FIG4: variants seen among roughly 807,000 people sequenced by gnomAD.
The protein encoded by FIG4 is FIG4 phosphoinositide 5-phosphatase, also known as polyphosphoinositide phosphatase.
In FIG4, 112 loss-of-function variants were observed where a neutral mutation model predicts 118.6. The observed-to-expected ratio is 0.94, with a 90% CI of 0.81 to 1.11. FIG4 has a LOEUF of 1.11. Ranked by LOEUF, FIG4 falls within the 50% of genes least tolerant of loss-of-function variation. The probability of loss-of-function intolerance (pLI) is 0.00; values close to 1 mark genes in which losing one functional copy is unlikely to be tolerated. For synonymous variants in FIG4, 369 were observed against 381.2 expected (o/e 0.97, Z 0.37); for missense variants, 969 against 1,111.7 (o/e 0.87, Z 1.83).
intron 1 of FIG4, among the ~76,000 whole-genome samples, chr6:109,708,825 T>TA (rs1443052211): frequency 6.6e-6 from 1 of 152,218 alleles, no homozygotes; most frequent in African/African-American, 2.4e-5. Flanking sequence ...TTTTTTCGTG[T>TA]AAATTTGTTT....
intron 11 of FIG4, among the ~76,000 whole-genome samples, chr6:109,761,576 G>A (rs1018944583): frequency 1.3e-5 from 2 of 152,160 alleles, no homozygotes; most frequent in African/African-American, 4.8e-5. Context: ...TAGTGGAGAT[G>A]GGGTTTCACC....
rs181616172 is a variant in FIG4, at chr6:109,747,314, G to A, written c.1137+3542G>A. 4.7e-3 allele frequency among the ~76,000 whole-genome samples: 711 copies of A among 152,198 alleles called. 3 individuals carry two copies. Among genetic ancestry groups the A allele is most frequent in the Non-Finnish European group, 7.9e-3 (534 of 67,998 alleles). ...GAAAAACCTCAGAGCTTGTCTTGGGGATCTCCTGCTCTTAATGCCCATTTA... is the reference window on the plus strand; with the variant it reads ...GAAAAACCTCAGAGCTTGTCTTGGGAATCTCCTGCTCTTAATGCCCATTTA... On this transcript the variant is annotated intron_variant, in intron 10 of 22. Transcript: ENST00000230124.
chr6:109,747,092 C>G (rs1170091600), intron 10 of FIG4, among the ~76,000 whole-genome samples: 1 of 152,028 alleles, frequency 6.6e-6, no homozygotes, highest in African/African-American at 2.4e-5. Flanking sequence ...TGCTTGCGTC[C>G]TCTACACTTG....
At chr6:109,714,863 G>A (rs1320427874) in intron 1 of FIG4, among the ~76,000 whole-genome samples, 1 of 152,074 alleles carries the variant, frequency 6.6e-6, no homozygotes, top group Non-Finnish European at 1.5e-5. Flanking sequence ...ACATCAGACT[G>A]ATCTTTATCA....
chr6:109,752,167 T>C (rs1251046519), intron 10 of FIG4, among the ~76,000 whole-genome samples: 2 of 151,920 alleles, frequency 1.3e-5, no homozygotes, highest in Admixed American at 6.6e-5. Flanking sequence ...AGGACATGAA[T>C]TCATCATTTT....
At chr6:109,822,787 G>GTATGTA (rs1295458689) in intron 22 of FIG4, among the ~76,000 whole-genome samples, 9 of 120,432 alleles carry the variant, frequency 7.5e-5, no homozygotes, top group African/African-American at 2.9e-4. Flanking sequence ...GTGTGTGTAT[G>GTATGTA]TATATATATA....
At chr6:109,823,653 A>T (rs902208816) in intron 22 of FIG4, among the ~76,000 whole-genome samples, 1 of 152,130 alleles carries the variant, frequency 6.6e-6, no homozygotes. Context: ...GTACAGACCC[A>T]GCTGGGTCTG....
intron 15 of FIG4, among the ~76,000 whole-genome samples, chr6:109,770,430 A>G (rs906241633): frequency 1.3e-5 from 2 of 152,154 alleles, no homozygotes; most frequent in South Asian, 2.1e-4. Flanking sequence ...GAATGTGTGT[A>G]TGCATGCATG....
intron 7 of FIG4, among the ~76,000 whole-genome samples, chr6:109,738,673 A>G (rs1165664526): frequency 6.6e-6 from 1 of 152,196 alleles, no homozygotes; most frequent in Admixed American, 6.5e-5. Flanking sequence ...CAAGGAAGAA[A>G]ATGCAATGTG....
intron 10 of FIG4, among the ~76,000 whole-genome samples, chr6:109,754,867 T>C (rs969664599): frequency 6.6e-6 from 1 of 152,206 alleles, no homozygotes; most frequent in Admixed American, 6.5e-5. Flanking sequence ...TCAATTTTGT[T>C]GATCCTTTCA....
At chr6:109,824,333 A>G (rs901005145) in intron 22 of FIG4, among the ~76,000 whole-genome samples, 6 of 152,358 alleles carry the variant, frequency 3.9e-5, no homozygotes, top group African/African-American at 1.2e-4. Context: ...AGGATGGTAC[A>G]TACACCTTCT....
chr6:109,765,349 T>C (rs955256968), intron 14 of FIG4, among the ~76,000 whole-genome samples, 188 bp downstream of exon 14: 2 of 152,242 alleles, frequency 1.3e-5, no homozygotes, highest in East Asian at 1.9e-4. Context: ...TTTGGTCTTA[T>C]GTTTAAGTCT....
At chr6:109,718,739 C>T (rs2128382032) in intron 3 of FIG4, among the ~76,000 whole-genome samples, 1 of 152,146 alleles carries the variant, frequency 6.6e-6, no homozygotes, top group Non-Finnish European at 1.5e-5. Flanking sequence ...CTGTATGTGT[C>T]ACGTGAGTTC....
At chr6:109,693,914 G>A (rs1309455602) in intron 1 of FIG4, among the ~76,000 whole-genome samples, 1 of 148,228 alleles carries the variant, frequency 6.7e-6, no homozygotes. Flanking sequence ...GTTTTGTTTT[G>A]TTTTGTTTTT....
intron 1 of FIG4, among the ~76,000 whole-genome samples, chr6:109,694,122 A>G (rs1361163387): frequency 6.6e-6 from 1 of 152,152 alleles, no homozygotes; most frequent in Non-Finnish European, 1.5e-5. Flanking sequence ...CTACTACTAT[A>G]TATATTATTT....
At chr6:109,731,196 GAT>G (rs1034909467) in intron 4 of FIG4, among the ~76,000 whole-genome samples, 20 of 152,190 alleles carry the variant, frequency 1.3e-4, no homozygotes, top group African/African-American at 4.8e-4. Flanking sequence ...TTATAGCAGA[GAT>G]GTGGGAAATG....
chr6:109,795,095 G>GTTTTGTTTTTTTTTTTT (rs1778241316), intron 21 of FIG4, among the ~76,000 whole-genome samples: 1 of 57,194 alleles, frequency 1.7e-5, no homozygotes, highest in Non-Finnish European at 3.5e-5. Flanking sequence ...ACACTTGCCA[G>GTTTTGTTTTTTTTTTTT]TTTTTTTTTT....
At position 109,762,097 on chromosome 6, in the gene FIG4, G is replaced by A. The variant is rs770495989; in HGVS notation, c.1278G>A (p.Leu426=). ...WDMAKYTKSK[L]CNVLDRLNVI... The stretch of plus-strand genomic sequence containing the variant: ...TTCTTCCTTCTCTCCTCAGCAAGCT[G>A]TGTAATGTTCTTGATCGACTAAATG... Residue 426 remains leucine (L), a synonymous_variant, in exon 12 of 23, where the codon CTG becomes CTA. Coordinates refer to ENST00000230124, the MANE Select transcript of FIG4 (RefSeq NM_014845.6). 12 of 1,601,900 alleles carry A rather than the reference G, an allele frequency of 7.5e-6. No individual in the cohort carries two copies. In the South Asian group the frequency reaches 8.8e-5, roughly 12 times the overall value.
chr6:109,691,952 T>C (rs1774456167), intron 1 of FIG4, among the ~76,000 whole-genome samples: 1 of 152,258 alleles, frequency 6.6e-6, no homozygotes, highest in Non-Finnish European at 1.5e-5. Flanking sequence ...TTCATGTGAA[T>C]TACACTTCTA....
Sources: gnomAD v4.1 joint callset for allele counts (sites outside exome capture counted in the v4.1 genomes callset) on GRCh38, gnomAD v4.1.1 for gene constraint, MANE v1.5 for transcripts, NCBI Gene and HGNC (gene_info 2026-07-23, HGNC 2026-07-21) for gene names.